Variants in CNTNAP2 observed in about 807,000 individuals in gnomAD.
CNTNAP2 encodes contactin-associated protein-like 2.
Under a neutral mutation model 155.2 loss-of-function variants are expected in CNTNAP2, and 98 were observed. The ratio of observed to expected loss-of-function variants is 0.63; its 90% CI spans 0.54 to 0.75. The LOEUF is 0.75. Among genes scored for constraint, CNTNAP2 ranks in the 30% least tolerant of loss-of-function variants. The pLI is 0.00. For missense variants in CNTNAP2, 1,727 were observed against 1,688.1 expected, an observed-to-expected ratio of 1.02 and a Z score of -0.40; for synonymous variants, 651 against 631.2, an observed-to-expected ratio of 1.03 and a Z score of -0.47.
chr7:147,167,574 CT>C, intron 8 of CNTNAP2: 2 of 784,468 alleles, frequency 2.5e-6, no homozygotes, highest in Non-Finnish European at 4.1e-6. Flanking sequence ...CGATGATGAC[CT>C]GTGAGAATGA....
chr7:146,562,070 T>C (rs1798288213), intron 1 of CNTNAP2, among the ~76,000 whole-genome samples: 1 of 152,192 alleles, frequency 6.6e-6, no homozygotes, highest in Admixed American at 6.6e-5. Context: ...GATTACAGCA[T>C]GAGCCGCTGC....
At position 147,304,212 on chromosome 7, in the gene CNTNAP2, AT is replaced by A. The variant is rs532745638; in HGVS notation, c.1498+3932del. 6.3e-4 allele frequency among the ~76,000 whole-genome samples: 94 copies of A among 149,286 alleles called. 1 individual carries two copies. The highest frequency in any genetic ancestry group is 7.0e-3 in the Middle Eastern group (2 of 286). On this transcript the variant is annotated intron_variant, in intron 9 of 23. Coordinates refer to ENST00000361727, the MANE Select transcript of CNTNAP2 (RefSeq NM_014141.6). ...TGTTTAATCACCAAGAATTCTTTTAATTTTTTTTTTCTTGGGGATAAGCAGA... is the reference window on the plus strand; with the variant it reads ...TGTTTAATCACCAAGAATTCTTTTAATTTTTTTTTCTTGGGGATAAGCAGA...
At chr7:147,616,129 TAG>T (rs1289735885) in intron 12 of CNTNAP2, among the ~76,000 whole-genome samples, 1 of 152,196 alleles carries the variant, frequency 6.6e-6, no homozygotes, top group Non-Finnish European at 1.5e-5. Flanking sequence ...CTTTACATGA[TAG>T]ATTTAAAGTC....
Position 147,577,364 on chromosome 7 carries a change from G to A in CNTNAP2, c.1897+15107G>A, listed in dbSNP as rs114064530. Among the ~76,000 whole-genome samples, 991 of 152,148 alleles carry A rather than the reference G, an allele frequency of 6.5e-3. 11 individuals are homozygous for A. The highest frequency in any genetic ancestry group is 0.023 in the African/African-American group (949 of 41,544). ...TAGATAGAAGAAGAGGATTTGACAT[G>A]ACGCTAAGCACATTAATATAATAGT... is the stretch of plus-strand genomic sequence containing the variant. On this transcript the variant is annotated intron_variant, in intron 12 of 23. Coordinates refer to ENST00000361727, the MANE Select transcript of CNTNAP2 (RefSeq NM_014141.6).
intron 1 of CNTNAP2, among the ~76,000 whole-genome samples, chr7:146,137,820 AATT>A (rs1271940049): frequency 1.3e-5 from 2 of 151,926 alleles, no homozygotes; most frequent in African/African-American, 4.8e-5. Context: ...CATAATTTAA[AATT>A]ATTCTTTTAA....
intron 4 of CNTNAP2, among the ~76,000 whole-genome samples, chr7:147,092,761 A>T (rs937904793): frequency 2.0e-5 from 3 of 152,208 alleles, no homozygotes; most frequent in African/African-American, 7.2e-5. Context: ...ATACCTCTGT[A>T]CTACAAAAAC....
chr7:147,933,799 G>C (rs1249354495), intron 14 of CNTNAP2, among the ~76,000 whole-genome samples: 2 of 152,120 alleles, frequency 1.3e-5, no homozygotes, highest in Non-Finnish European at 2.9e-5. Flanking sequence ...GGAGGCAGAG[G>C]TTGCAGTGAG....
At chr7:146,136,357 G>A (rs942670511) in intron 1 of CNTNAP2, among the ~76,000 whole-genome samples, 6 of 152,102 alleles carry the variant, frequency 3.9e-5, no homozygotes, top group African/African-American at 1.4e-4. Flanking sequence ...ACAACTAAGG[G>A]TCAGTCTTTT....
intron 13 of CNTNAP2, among the ~76,000 whole-genome samples, chr7:147,859,756 T>G (rs1799105869): frequency 6.6e-6 from 1 of 152,152 alleles, no homozygotes; most frequent in African/African-American, 2.4e-5. Flanking sequence ...GCAAAGTAAC[T>G]TTGAATAAAA....
At chr7:146,988,885 G>A (rs959706807) in intron 3 of CNTNAP2, among the ~76,000 whole-genome samples, 32 of 152,176 alleles carry the variant, frequency 2.1e-4, no homozygotes, top group African/African-American at 6.8e-4. Flanking sequence ...TGCATCTGTT[G>A]TGAACTTGCT....
At chr7:146,710,121 C>T (rs1398057641) in intron 1 of CNTNAP2, among the ~76,000 whole-genome samples, 1 of 152,066 alleles carries the variant, frequency 6.6e-6, no homozygotes, top group African/African-American at 2.4e-5. Flanking sequence ...GTGTGGCTCA[C>T]AATTGGAAAG....
intron 16 of CNTNAP2, among the ~76,000 whole-genome samples, chr7:148,136,945 G>A (rs1188760873): frequency 6.6e-6 from 1 of 152,128 alleles, no homozygotes; most frequent in African/African-American, 2.4e-5. Flanking sequence ...CAAAACAAAG[G>A]AAGCGTACTC....
At chr7:146,357,943 A>G (rs554785582) in intron 1 of CNTNAP2, among the ~76,000 whole-genome samples, 4 of 151,970 alleles carry the variant, frequency 2.6e-5, no homozygotes, top group South Asian at 4.1e-4. Context: ...GGACTATACA[A>G]CCACACATTA....
At chr7:146,279,508 T>C (rs1396887845) in intron 1 of CNTNAP2, among the ~76,000 whole-genome samples, 1 of 151,776 alleles carries the variant, frequency 6.6e-6, no homozygotes, top group Non-Finnish European at 1.5e-5. Context: ...CTTTGTAGTA[T>C]CCTATTTGTA....
chr7:147,420,008 C>T (rs1311501781), intron 10 of CNTNAP2, among the ~76,000 whole-genome samples: 1 of 152,130 alleles, frequency 6.6e-6, no homozygotes, highest in Admixed American at 6.6e-5. Flanking sequence ...GCAGAGATTC[C>T]ACTAGACACA....
intron 4 of CNTNAP2, among the ~76,000 whole-genome samples, chr7:147,106,822 C>G (rs1407975008): frequency 6.6e-6 from 1 of 152,060 alleles, no homozygotes; most frequent in Non-Finnish European, 1.5e-5. Context: ...ACTGTGGCCC[C>G]CAAAGGAATT....
chr7:146,728,238 A>AATG (rs1801465600), intron 1 of CNTNAP2, among the ~76,000 whole-genome samples: 1 of 152,046 alleles, frequency 6.6e-6, no homozygotes, highest in African/African-American at 2.4e-5. Context: ...TAATAATAAT[A>AATG]ATAGGGGTCT....
At chr7:146,740,954 G>A (rs1801705606) in intron 1 of CNTNAP2, among the ~76,000 whole-genome samples, 1 of 152,178 alleles carries the variant, frequency 6.6e-6, no homozygotes, top group Non-Finnish European at 1.5e-5. Context: ...GTGTCCTGGT[G>A]GGTCTATAGG....
intron 3 of CNTNAP2, among the ~76,000 whole-genome samples, chr7:147,029,725 A>G (rs1299751177): frequency 6.6e-6 from 1 of 152,154 alleles, no homozygotes; most frequent in Non-Finnish European, 1.5e-5. Flanking sequence ...GGAAGAGTAA[A>G]ATTGTTAATG....
Sources: gnomAD v4.1 joint callset for allele counts (sites outside exome capture counted in the v4.1 genomes callset) on GRCh38, gnomAD v4.1.1 for gene constraint, MANE v1.5 for transcripts, NCBI Gene and HGNC (gene_info 2026-07-23, HGNC 2026-07-21) for gene names.